The following ROBO2 variants were observed in gnomAD, a reference collection of about 807,000 sequenced individuals.
The protein encoded by ROBO2 is roundabout homolog 2.
In ROBO2, 53 loss-of-function variants were observed where a neutral mutation model predicts 160.8. The ratio of observed to expected loss-of-function variants is 0.33; its 90% confidence interval spans 0.26 to 0.41. The LOEUF (loss-of-function observed/expected upper bound fraction) is 0.41, where lower values mean the gene tolerates loss of function less well. Among genes scored for constraint, ROBO2 ranks in the 10% least tolerant of loss-of-function variants. The pLI is 1.00. For synonymous variants in ROBO2, 664 were observed against 611.7 expected (o/e 1.09, Z -1.26); for missense variants, 1,577 against 1,722.4 (o/e 0.92, Z 1.49).
intron 2 of ROBO2, among the ~76,000 whole-genome samples, chr3:76,566,416 C>T (rs1022965934): frequency 1.3e-5 from 2 of 152,138 alleles, no homozygotes; most frequent in Admixed American, 6.5e-5. Context: ...TTTCCTCGGG[C>T]TTCTGTGTCC....
chr3:77,481,896 A>G (rs2084738814), intron 4 of ROBO2, among the ~76,000 whole-genome samples: 1 of 152,176 alleles, frequency 6.6e-6, no homozygotes, highest in African/African-American at 2.4e-5. Flanking sequence ...TGGCCGAGGA[A>G]ACAAATGTAA....
chr3:76,775,258 G>A (rs1415402922), intron 2 of ROBO2, among the ~76,000 whole-genome samples: 5 of 150,650 alleles, frequency 3.3e-5, no homozygotes, highest in East Asian at 2.0e-4. Context: ...TTACTGTTGC[G>A]CATCTTGAAG....
chr3:77,143,360 A>G (rs1045399964), intron 2 of ROBO2, among the ~76,000 whole-genome samples: 3 of 151,376 alleles, frequency 2.0e-5, no homozygotes, highest in African/African-American at 7.3e-5. Flanking sequence ...ACACCCGGCT[A>G]ATTTTTTCTA....
chr3:76,747,677 A>G lies in ROBO2; in HGVS notation c.110-350337A>G, dbSNP rs13067877. 4.8e-3 allele frequency among the ~76,000 whole-genome samples: 726 copies of G among 152,132 alleles called. 2 individuals carry two copies. Among genetic ancestry groups the G allele is most frequent in the Non-Finnish European group, 8.3e-3 (563 of 67,954 alleles). ...TTTTTAATGATTGATCTCTGATATT[A>G]TAATTTTACTATTAATGAGCTAAAA... is the stretch of plus-strand genomic sequence containing the variant. On this transcript the variant is annotated intron_variant, in intron 2 of 26. Coordinates refer to the ROBO2 transcript ENST00000487694.
At chr3:77,040,271 T>TA in exon 1 of ROBO2, 5 of 994,542 alleles carry the variant, frequency 5.0e-6, no homozygotes, top group Non-Finnish European at 6.0e-6. Context: ...AGTAAAAATA[T>TA]AGACATATTA....
At chr3:77,217,299 C>A (rs13320732) in intron 2 of ROBO2, among the ~76,000 whole-genome samples, 52,881 of 151,924 alleles carry the variant, frequency 0.35, 10,339 homozygotes, top group Middle Eastern at 0.53. Context: ...CACATCACCA[C>A]GCCTGGCTAC....
At chr3:76,877,410 C>G (rs2072862988) in intron 2 of ROBO2, among the ~76,000 whole-genome samples, 2 of 152,136 alleles carry the variant, frequency 1.3e-5, no homozygotes, top group East Asian at 3.9e-4. Flanking sequence ...CTTTGGAATA[C>G]TAAGCTGCCA....
intron 2 of ROBO2, among the ~76,000 whole-genome samples, chr3:76,103,825 C>T (rs1576873227): frequency 1.3e-5 from 2 of 152,276 alleles, no homozygotes; most frequent in Non-Finnish European, 2.9e-5. Context: ...TCAATTTGTC[C>T]CTTTCCATTT....
chr3:76,206,528 A>C (rs368596354), intron 2 of ROBO2, among the ~76,000 whole-genome samples: 1 of 151,292 alleles, frequency 6.6e-6, no homozygotes, highest in Non-Finnish European at 1.5e-5. Flanking sequence ...TTAAAAGTTC[A>C]GAGTGCCTCC....
At chr3:76,993,790 T>C (rs1243429969) in intron 2 of ROBO2, among the ~76,000 whole-genome samples, 2 of 152,126 alleles carry the variant, frequency 1.3e-5, no homozygotes, top group East Asian at 3.9e-4. Context: ...TTAGGATATT[T>C]ATCTCCAAAT....
intron 2 of ROBO2, among the ~76,000 whole-genome samples, chr3:76,781,107 T>A (rs1453221965): frequency 1.3e-5 from 2 of 150,798 alleles, no homozygotes; most frequent in Non-Finnish European, 3.0e-5. Context: ...TGTTTTACAG[T>A]TTTTCAAGAA....
intron 2 of ROBO2, among the ~76,000 whole-genome samples, chr3:76,591,102 C>G (rs1013399826): frequency 6.6e-6 from 1 of 152,026 alleles, no homozygotes; most frequent in Non-Finnish European, 1.5e-5. Flanking sequence ...TACTAATAGC[C>G]TACTGATGAC....
At chr3:77,597,485 G>T (rs2094333825) in intron 19 of ROBO2, among the ~76,000 whole-genome samples, 1 of 152,144 alleles carries the variant, frequency 6.6e-6, no homozygotes, top group African/African-American at 2.4e-5. Flanking sequence ...GAGAGAGCTG[G>T]GTTTAGAGAA....
At chr3:76,217,593 C>A (rs1006351315) in intron 2 of ROBO2, among the ~76,000 whole-genome samples, 12 of 152,182 alleles carry the variant, frequency 7.9e-5, no homozygotes, top group African/African-American at 2.7e-4. Flanking sequence ...GAAACATACA[C>A]TCTCCCAAGA....
rs187973347 is a variant in ROBO2 at position 77,212,874 on chromosome 3, C to T, written c.388+114534C>T. 7.5e-4 allele frequency among the ~76,000 whole-genome samples: 114 copies of T among 152,174 alleles called. No homozygotes were observed. The South Asian group carries it at 0.015, about 20-fold the overall frequency. ...TTGGTTCTGTTTGTATGCTGGATTACGTTTATTGATTTGCATATGTTGAAC... is the reference window on the plus strand; with the variant it reads ...TTGGTTCTGTTTGTATGCTGGATTATGTTTATTGATTTGCATATGTTGAAC... On this transcript the variant is annotated intron_variant, in intron 2 of 25. Transcript: ENST00000461745.
chr3:76,770,098 C>T (rs561382906), intron 2 of ROBO2, among the ~76,000 whole-genome samples: 2 of 151,412 alleles, frequency 1.3e-5, no homozygotes, highest in East Asian at 3.9e-4. Flanking sequence ...TTTAAATTAC[C>T]ATCATGTAAT....
chr3:77,622,242 T>G, exon 23 of ROBO2: 1 of 1,614,126 alleles, frequency 6.2e-7, no homozygotes, highest in Non-Finnish European at 8.5e-7. Context: ...TTCAAAGCAA[T>G]AATCAACCTC....
intron 2 of ROBO2, among the ~76,000 whole-genome samples, chr3:76,032,538 G>T (rs2066960082): frequency 6.6e-6 from 1 of 152,184 alleles, no homozygotes; most frequent in Non-Finnish European, 1.5e-5. Context: ...GTGTGTCCCA[G>T]AAATTCTGGT....
At chr3:77,107,407 G>C (rs1244057469) in intron 2 of ROBO2, among the ~76,000 whole-genome samples, 3 of 152,132 alleles carry the variant, frequency 2.0e-5, no homozygotes, top group Non-Finnish European at 4.4e-5. Flanking sequence ...AGAAAAGGCT[G>C]TTCTTTCTCA....
Sources: allele counts gnomAD v4.1 joint callset (sites outside exome capture counted in the v4.1 genomes callset), GRCh38; gene constraint gnomAD v4.1.1; transcripts MANE v1.5; gene names NCBI Gene and HGNC (gene_info 2026-07-23, HGNC 2026-07-21).